The following TYW3 variants were observed in gnomAD, a reference collection of about 807,000 sequenced individuals.
TYW3 encodes the protein tRNA wybutosine-synthesizing protein 3 homolog.
In TYW3, 26 loss-of-function variants were observed where a neutral mutation model predicts 23.1. The observed-to-expected ratio is 1.13, with a 90% CI of 0.83 to 1.56. The LOEUF (loss-of-function observed/expected upper bound fraction) is 1.56. TYW3 is among the 40% of genes most tolerant of loss of function. The pLI is 0.00. For synonymous variants in TYW3, 102 were observed against 105.7 expected (o/e 0.97, Z 0.21); for missense variants, 316 against 311.9 (o/e 1.01, Z -0.10).
At chr1:74,762,920 G>T (rs1206678961) in intron 5 of TYW3, among the ~76,000 whole-genome samples, 1 of 152,004 alleles carries the variant, frequency 6.6e-6, no homozygotes, top group Non-Finnish European at 1.5e-5. Flanking sequence ...ACAGTTTATT[G>T]TATCACAAAA....
At chr1:74,759,185 T>A (rs1416752067) in intron 5 of TYW3, among the ~76,000 whole-genome samples, 1 of 152,116 alleles carries the variant, frequency 6.6e-6, no homozygotes, top group Non-Finnish European at 1.5e-5. Context: ...GCTCTTTCTA[T>A]AGCCTAAGGA....
intron 1 of TYW3, among the ~76,000 whole-genome samples, chr1:74,734,428 C>T (rs1648059604): frequency 6.6e-6 from 1 of 152,058 alleles, no homozygotes; most frequent in South Asian, 2.1e-4. Flanking sequence ...ATGATGCTGG[C>T]GATTTGGATC....
intron 1 of TYW3, among the ~76,000 whole-genome samples, chr1:74,734,737 C>G (rs2100751204): frequency 6.6e-6 from 1 of 152,270 alleles, no homozygotes; most frequent in South Asian, 2.1e-4. Context: ...TCTGCCCCTT[C>G]CTGTTCTATG....
chr1:74,760,875 G>T (rs1485061410), intron 5 of TYW3, among the ~76,000 whole-genome samples: 1 of 152,212 alleles, frequency 6.6e-6, no homozygotes, highest in Admixed American at 6.5e-5. Context: ...CCAGCTTTCT[G>T]TTGAAAGTGG....
intron 2 of TYW3, among the ~76,000 whole-genome samples, chr1:74,738,141 A>G (rs1422350568): frequency 6.6e-6 from 1 of 152,160 alleles, no homozygotes; most frequent in Non-Finnish European, 1.5e-5. Flanking sequence ...GCAAGTTGCA[A>G]TTGTTACAAC....
intron 2 of TYW3, among the ~76,000 whole-genome samples, chr1:74,737,345 A>G (rs966174439): frequency 2.0e-5 from 3 of 152,224 alleles, no homozygotes; most frequent in Non-Finnish European, 4.4e-5. Flanking sequence ...AGCTGTCAGC[A>G]ACACCAGTAG....
At chr1:74,763,041 A>G (rs551250708) in intron 5 of TYW3, among the ~76,000 whole-genome samples, 1 of 152,290 alleles carries the variant, frequency 6.6e-6, no homozygotes, top group South Asian at 2.1e-4. Flanking sequence ...CAAAGAAATG[A>G]AAGTTAAAAT....
chr1:74,740,871 T>C (rs923515639), intron 3 of TYW3, among the ~76,000 whole-genome samples: 10 of 152,214 alleles, frequency 6.6e-5, no homozygotes, highest in African/African-American at 2.4e-4. Context: ...AGAAAAGTTC[T>C]CCAAGTCCCC....
At chr1:74,757,693 G>A (rs751820643) in intron 5 of TYW3, among the ~76,000 whole-genome samples, 8 of 152,186 alleles carry the variant, frequency 5.3e-5, no homozygotes, top group Non-Finnish European at 1.0e-4. Flanking sequence ...GACTTTGGGG[G>A]ACTGTTGGAA....
chr1:74,759,554 A>G (rs1004805147), intron 5 of TYW3, among the ~76,000 whole-genome samples: 2 of 152,046 alleles, frequency 1.3e-5, no homozygotes, highest in Non-Finnish European at 1.5e-5. Context: ...AAACAGCTAA[A>G]TAAATAACAC....
rs753589782 is a variant in TYW3 at position 74,749,741 on chromosome 1, C to A, written c.426+919C>A. ...CAGCACTTTGGGAGGCCAAGGCAGG[C>A]GAATCACGAGGTCAAGAGATCGAGA... is the stretch of plus-strand genomic sequence containing the variant. On this transcript the variant is annotated intron_variant, in intron 4 of 5. Coordinates refer to ENST00000370867, the MANE Select transcript of TYW3 (RefSeq NM_138467.3). Among the ~76,000 whole-genome samples the A allele has an allele frequency of 2.0e-5, 3 of 151,800 alleles. No individual in the cohort carries two copies. The East Asian group carries it at 5.9e-4, about 30-fold the overall frequency.
At chr1:74,758,914 G>T (rs1454805833) in intron 5 of TYW3, among the ~76,000 whole-genome samples, 1 of 152,122 alleles carries the variant, frequency 6.6e-6, no homozygotes, top group African/African-American at 2.4e-5. Flanking sequence ...AGAAGCCCAA[G>T]AAATGTTTAT....
At chr1:74,745,317 T>A (rs1182821510) in intron 3 of TYW3, among the ~76,000 whole-genome samples, 2 of 152,218 alleles carry the variant, frequency 1.3e-5, no homozygotes, top group Non-Finnish European at 2.9e-5. Context: ...AGTGGCCAGC[T>A]TTTATTCCCT....
Position 74,764,072 on chromosome 1 carries a change from G to A in TYW3, c.739G>A (p.Asp247Asn). 1 of 1,612,948 alleles carries A rather than the reference G, an allele frequency of 6.2e-7. No homozygotes were observed. Among genetic ancestry groups the A allele is most frequent in the Non-Finnish European group, 8.5e-7 (1 of 1,179,530 alleles). ...DEELENDDDD[D>N]LGINVTIFPE... is the part of the protein sequence containing the mutation. ...AGAACTTGAAAATGATGATGATGATGATCTAGGAATCAATGTTACCATCTT... is the reference window on the plus strand; with the variant it reads ...AGAACTTGAAAATGATGATGATGATAATCTAGGAATCAATGTTACCATCTT... Residue 247 changes from aspartate to asparagine, a missense_variant, in exon 6 of 6, where the codon GAT (aspartate) becomes AAT (asparagine). By Grantham distance (23) the Asp-to-Asn change is conservative (BLOSUM62 1). Coordinates refer to ENST00000370867, the MANE Select transcript of TYW3 (RefSeq NM_138467.3).
chr1:74,751,266 A>G (rs566195927), intron 4 of TYW3: 1 of 152,276 alleles, frequency 6.6e-6, no homozygotes, highest in Admixed American at 6.5e-5. Context: ...GTACATGCAC[A>G]TGCATGCATG....
In TYW3 at chr1:74,733,333, T is replaced by G. The variant is rs902672715; in HGVS notation, c.89T>G (p.Val30Gly). 5.6e-6 allele frequency: 9 copies of G among 1,614,038 alleles called. No homozygotes were observed. The highest frequency in any genetic ancestry group is 7.6e-6 in the Non-Finnish European group (9 of 1,180,040). ...CGGAAGGGCAGTGTTGACGAGGATG[T>G]GGTAGAGCTTGTGCAGTTTCTGAAC... ...LSRKGSVDED[V>G]VELVQFLNMR... Residue 30 changes from valine to glycine, a missense_variant, in exon 1 of 6, where the codon GTG (valine) becomes GGG (glycine). Val to Gly is a moderately radical substitution (Grantham distance 109). Transcript: ENST00000370867.
At chr1:74,763,272 CTCACA>C (rs1177979319) in intron 5 of TYW3, among the ~76,000 whole-genome samples, 1 of 152,006 alleles carries the variant, frequency 6.6e-6, no homozygotes, top group Non-Finnish European at 1.5e-5. Context: ...TGGCTAAAAA[CTCACA>C]TCACATCATT....
intron 2 of TYW3, among the ~76,000 whole-genome samples, chr1:74,738,108 A>T (rs906481006): frequency 4.1e-5 from 4 of 96,872 alleles, no homozygotes; most frequent in African/African-American, 1.7e-4. Flanking sequence ...GTGAACAGGG[A>T]AAAAAAAACA....
At chr1:74,733,566 G>C in intron 1 of TYW3, 148 bp downstream of exon 1, 1 of 1,433,028 alleles carries the variant, frequency 7.0e-7, no homozygotes, top group South Asian at 1.5e-5. Context: ...AAATTTAGGG[G>C]ATTAGATCAG....
Sources: gnomAD v4.1 joint callset for allele counts (sites outside exome capture counted in the v4.1 genomes callset) on GRCh38, gnomAD v4.1.1 for gene constraint, MANE v1.5 for transcripts, NCBI Gene and HGNC (gene_info 2026-07-23, HGNC 2026-07-21) for gene names.